The following CLSTN2 variants were observed in gnomAD, a reference collection of about 807,000 sequenced individuals.
The protein encoded by CLSTN2 is calsyntenin 2.
A neutral mutation model predicts 101.2 loss-of-function variants in CLSTN2; 48 were observed. The ratio of observed to expected loss-of-function variants is 0.47; its 90% CI spans 0.38 to 0.60. The LOEUF (loss-of-function observed/expected upper bound fraction) is 0.60, where lower values mean the gene tolerates loss of function less well. Among genes scored for constraint, CLSTN2 ranks in the 20% least tolerant of loss-of-function variants. The pLI is 0.00. For missense variants in CLSTN2, 1,160 were observed against 1,238.2 expected, an observed-to-expected ratio of 0.94 and a Z score of 0.95; for synonymous variants, 481 against 463.6, an observed-to-expected ratio of 1.04 and a Z score of -0.48.
intron 2 of CLSTN2, among the ~76,000 whole-genome samples, chr3:140,373,352 C>A (rs1049873115): frequency 1.3e-5 from 2 of 152,140 alleles, no homozygotes; most frequent in Non-Finnish European, 2.9e-5. Context: ...GGCCTCTTCC[C>A]CCTACTGCTC....
intron 1 of CLSTN2, among the ~76,000 whole-genome samples, chr3:140,113,965 G>T (rs1560098825): frequency 1.3e-5 from 2 of 152,164 alleles, no homozygotes; most frequent in Non-Finnish European, 2.9e-5. Context: ...TGGGATAACT[G>T]TGTTGGATCA....
intron 1 of CLSTN2, among the ~76,000 whole-genome samples, chr3:140,123,597 G>T (rs1238223637): frequency 6.6e-6 from 1 of 152,058 alleles, no homozygotes; most frequent in Non-Finnish European, 1.5e-5. Context: ...AGCTCAGGCT[G>T]CCATAACTAA....
At chr3:140,149,720 G>C (rs2009833121) in intron 1 of CLSTN2, among the ~76,000 whole-genome samples, 1 of 152,122 alleles carries the variant, frequency 6.6e-6, no homozygotes, top group Non-Finnish European at 1.5e-5. Context: ...ACCTTCCAAA[G>C]TGCTGGGATT....
chr3:140,252,165 CTTTA>C lies in CLSTN2; in HGVS notation c.232+76098_232+76101del, dbSNP rs750250449. Reference sequence around the variant, plus strand: ...AGAGAGTGACACAACAAGGCATGAACTTTATTTATAAAGAAATTTTTGGAAACAA... The same window carrying C: ...AGAGAGTGACACAACAAGGCATGAACTTTATAAAGAAATTTTTGGAAACAA... On this transcript the variant is annotated intron_variant, in intron 2 of 16. Coordinates refer to ENST00000458420, the MANE Select transcript of CLSTN2 (RefSeq NM_022131.3). Among the ~76,000 whole-genome samples the C allele has an allele frequency of 5.1e-4, 78 of 152,172 alleles. 1 individual carries two copies. The Middle Eastern group carries it at 0.014, about 27-fold the overall frequency.
chr3:140,291,631 TC>T (rs945821405), intron 2 of CLSTN2, among the ~76,000 whole-genome samples: 1 of 151,594 alleles, frequency 6.6e-6, no homozygotes, highest in African/African-American at 2.4e-5. Flanking sequence ...GCTGGCAACT[TC>T]CCCCATCTCC....
At chr3:140,559,382 A>C (rs1935866041) in intron 12 of CLSTN2, among the ~76,000 whole-genome samples, 1 of 152,142 alleles carries the variant, frequency 6.6e-6, no homozygotes, top group Non-Finnish European at 1.5e-5. Flanking sequence ...TATATATATA[A>C]AAGTTAGGTC....
At chr3:140,541,721 C>T (rs554505170) in intron 9 of CLSTN2, among the ~76,000 whole-genome samples, 2 of 152,290 alleles carry the variant, frequency 1.3e-5, no homozygotes, top group African/African-American at 2.4e-5. Context: ...CTCTGCACCT[C>T]GGATGTCTTC....
chr3:140,195,640 GTT>G (rs375038804), intron 2 of CLSTN2, among the ~76,000 whole-genome samples: 72 of 152,294 alleles, frequency 4.7e-4, no homozygotes, highest in African/African-American at 1.6e-3. Context: ...AGAGTTTTGT[GTT>G]GAATTTCCAA....
intron 10 of CLSTN2, among the ~76,000 whole-genome samples, chr3:140,555,007 T>A (rs1576624948): frequency 6.6e-6 from 1 of 152,370 alleles, no homozygotes; most frequent in South Asian, 2.1e-4. Context: ...CAGTAACAAA[T>A]TATTTAATAT....
chr3:140,305,270 T>C (rs2087101758), intron 2 of CLSTN2, among the ~76,000 whole-genome samples: 1 of 152,076 alleles, frequency 6.6e-6, no homozygotes, highest in Non-Finnish European at 1.5e-5. Context: ...TATAATAGCC[T>C]GTTCATGCTC....
intron 2 of CLSTN2, among the ~76,000 whole-genome samples, chr3:140,291,144 G>T (rs1251456029): frequency 6.6e-6 from 1 of 152,068 alleles, no homozygotes; most frequent in African/African-American, 2.4e-5. Flanking sequence ...GTCCCATGTG[G>T]TTATTAAAAA....
At chr3:140,086,801 T>G (rs2008690580) in intron 1 of CLSTN2, among the ~76,000 whole-genome samples, 1 of 152,244 alleles carries the variant, frequency 6.6e-6, no homozygotes, top group African/African-American at 2.4e-5. Flanking sequence ...TCTTCAGGCA[T>G]TGCTCCAATT....
intron 1 of CLSTN2, among the ~76,000 whole-genome samples, chr3:140,084,111 G>A (rs1049224158): frequency 1.3e-5 from 2 of 152,132 alleles, no homozygotes; most frequent in African/African-American, 2.4e-5. Flanking sequence ...TAGAGGAGTG[G>A]GAGGTCACAT....
At chr3:140,551,809 ATAAATATATATTATATATT>A (rs533349890) in intron 10 of CLSTN2, among the ~76,000 whole-genome samples, 4,614 of 148,330 alleles carry the variant, frequency 0.031, 85 homozygotes, top group Non-Finnish European at 0.036. Context: ...TATATTACAT[ATAAATATATATTATATATT>A]TAAATATATA....
intron 1 of CLSTN2, among the ~76,000 whole-genome samples, chr3:140,154,355 G>T (rs2009914649): frequency 6.6e-6 from 1 of 152,064 alleles, no homozygotes. Flanking sequence ...AGAAGCCAGT[G>T]TGACTGGGGG....
chr3:140,302,861 G>A (rs1284989698), intron 2 of CLSTN2, among the ~76,000 whole-genome samples: 1 of 152,220 alleles, frequency 6.6e-6, no homozygotes, highest in African/African-American at 2.4e-5. Context: ...TGTGGAGTCA[G>A]GTGGGCTCAG....
chr3:140,281,889 T>C (rs1246498350), intron 2 of CLSTN2, among the ~76,000 whole-genome samples: 5 of 152,126 alleles, frequency 3.3e-5, no homozygotes, highest in Non-Finnish European at 4.4e-5. Flanking sequence ...CTCTATCGGA[T>C]TAGTTAACTG....
intron 1 of CLSTN2, among the ~76,000 whole-genome samples, chr3:140,051,864 C>A (rs935156879): frequency 5.9e-5 from 9 of 152,202 alleles, no homozygotes; most frequent in African/African-American, 2.2e-4. Flanking sequence ...GAGGGGCTGG[C>A]AAAACAGATC....
intron 2 of CLSTN2, among the ~76,000 whole-genome samples, chr3:140,354,982 T>C (rs1576529426): frequency 6.6e-6 from 1 of 152,178 alleles, no homozygotes; most frequent in African/African-American, 2.4e-5. Context: ...CTCCACCCCA[T>C]GTGACACTCT....
Sources: allele counts gnomAD v4.1 joint callset (sites outside exome capture counted in the v4.1 genomes callset), GRCh38; gene constraint gnomAD v4.1.1; transcripts MANE v1.5; gene names NCBI Gene and HGNC (gene_info 2026-07-23, HGNC 2026-07-21).